The following ADH6 variants were observed in gnomAD, a reference collection of about 807,000 sequenced individuals.
ADH6 encodes the protein alcohol dehydrogenase 6.
A neutral mutation model predicts 36.5 loss-of-function variants in ADH6; 34 were observed. The ratio of observed to expected loss-of-function variants is 0.93; its 90% confidence interval spans 0.71 to 1.24. The LOEUF (loss-of-function observed/expected upper bound fraction) is 1.24. Among genes scored for constraint, ADH6 ranks in the 50% most tolerant of loss-of-function variants. ADH6 has a pLI of 0.00. For synonymous variants in ADH6, 161 were observed against 155.5 expected (o/e 1.04, Z -0.26); for missense variants, 440 against 447.0 (o/e 0.98, Z 0.14).
In ADH6 at chr4:99,204,260, G is replaced by A. The variant is rs745792482; in HGVS notation, c.1104-17C>T. On this transcript the variant is annotated splice_polypyrimidine_tract_variant and intron_variant, in intron 8 of 8. Coordinates refer to ENST00000394899, the MANE Select transcript of ADH6 (RefSeq NM_001102470.2). ...CAGCGGATACTGAAAAAAAGAAGAAGAGAAAAAAGGTTGGAACATTTTTAG... is the reference window on the plus strand; with the variant it reads ...CAGCGGATACTGAAAAAAAGAAGAAAAGAAAAAAGGTTGGAACATTTTTAG... The A allele has an allele frequency of 6.3e-7, 1 of 1,596,848 alleles. No homozygotes were observed. Among genetic ancestry groups the A allele is most frequent in the South Asian group, 1.1e-5 (1 of 89,852 alleles).
At chr4:99,205,613 G>C (rs1731003041) in intron 7 of ADH6, among the ~76,000 whole-genome samples, 1 of 152,044 alleles carries the variant, frequency 6.6e-6, no homozygotes, top group Non-Finnish European at 1.5e-5. Context: ...AGTAAGAATT[G>C]AACAAGCAAA....
rs1289107530 is a variant in ADH6 at position 99,202,781 on chromosome 4, A to G, written c.*1438T>C. ...AGTAAGGTCAATTTGGGGGCAGAAC[A>G]GGAACATGCCTTAGCTGCTGTCAGG... On this transcript the variant is annotated 3_prime_UTR_variant, in exon 9 of 9. Transcript: ENST00000394899. 2 of 398,136 alleles carry G rather than the reference A, an allele frequency of 5.0e-6. No individual in the cohort carries two copies. Among genetic ancestry groups the G allele is most frequent in the African/African-American group, 4.1e-5 (2 of 48,612 alleles). The allele number at this position is 398,136 out of a possible 1,614,324, so 24.7% of individuals were successfully genotyped here.
intron 6 of ADH6, 138 bp from the exon 7 acceptor site, chr4:99,207,719 A>G (rs1364940435): frequency 1.1e-6 from 1 of 941,552 alleles, no homozygotes; most frequent in Non-Finnish European, 1.5e-6. Context: ...TTGAAGTAAC[A>G]TTTATCTTGT....
intron 7 of ADH6, 59 bp from the exon 8 acceptor site, chr4:99,205,122 C>G (rs1271948582): frequency 6.7e-7 from 1 of 1,484,372 alleles, no homozygotes; most frequent in African/African-American, 1.4e-5. Flanking sequence ...AAGGAAAGGT[C>G]ATTCAAAGTA....
intron 3 of ADH6, 34 bp from the exon 4 acceptor site, chr4:99,210,536 T>A: frequency 6.6e-7 from 1 of 1,506,918 alleles, no homozygotes; most frequent in Non-Finnish European, 9.1e-7. Context: ...ATTAACATAT[T>A]ATTTTTTAAA....
intron 4 of ADH6, 42 bp downstream of exon 4, chr4:99,210,373 G>T (rs764303108): frequency 6.3e-7 from 1 of 1,592,760 alleles, no homozygotes; most frequent in Non-Finnish European, 8.6e-7. Flanking sequence ...TCCAATGAAA[G>T]TGAATTAAGT....
In ADH6 at chr4:99,208,999, A is replaced by C. The variant is rs1313036504; in HGVS notation, c.568-71T>G. Reference sequence around the variant, plus strand: ...AACATACACCTTTACTCAGTTGGGAAGGCTAAGTCTATATGCATGTATTTT... The same window carrying C: ...AACATACACCTTTACTCAGTTGGGACGGCTAAGTCTATATGCATGTATTTT... On this transcript the variant is annotated intron_variant, in intron 5 of 8. Coordinates refer to ENST00000394899, the MANE Select transcript of ADH6 (RefSeq NM_001102470.2). 7 of 1,498,442 alleles carry C rather than the reference A, an allele frequency of 4.7e-6. No individual in the cohort carries two copies. In the African/African-American group the frequency reaches 9.8e-5, roughly 21 times the overall value. 92.8% of individuals were successfully genotyped at this position (1,498,442 alleles called of 1,614,324 possible).
At chr4:99,208,445 C>A in intron 6 of ADH6, 1 of 442,424 alleles carries the variant, frequency 2.3e-6, no homozygotes, top group Non-Finnish European at 3.9e-6. Flanking sequence ...TCTTATCTTG[C>A]TTAAAACTTC....
At chr4:99,211,138 C>A (rs1441875978) in intron 3 of ADH6, among the ~76,000 whole-genome samples, 7 of 150,628 alleles carry the variant, frequency 4.6e-5, no homozygotes, top group Admixed American at 4.6e-4. Context: ...GATTTAGTTT[C>A]TTCTATTTTA....
In ADH6 at chr4:99,208,767, G is replaced by A. The variant is rs573088647; in HGVS notation, c.729C>T (p.Asn243=). Residue 243 remains asparagine, a synonymous_variant, in exon 6 of 9, where the codon AAC becomes AAT. Coordinates refer to ENST00000394899, the MANE Select transcript of ADH6 (RefSeq NM_001102470.2). ...AQELGATECL[N]PQDLKKPIQE... ...GAATGGGTTTCTTTAAGTCCTGAGG[G>A]TTGAGGCACTCAGTAGCACCCAATT... 1.9e-6 allele frequency: 3 copies of A among 1,613,786 alleles called. No homozygotes were observed. Among genetic ancestry groups the A allele is most frequent in the South Asian group, 1.1e-5 (1 of 91,072 alleles).
At chr4:99,213,536 G>A (rs1348721748) in intron 3 of ADH6, 70 bp downstream of exon 3, 4 of 1,380,230 alleles carry the variant, frequency 2.9e-6, no homozygotes, top group Non-Finnish European at 3.8e-6. Context: ...CATACTTAAG[G>A]GGTGCTTATC....
rs1324854174 is a variant in ADH6 at position 99,218,850 on chromosome 4, T to TATATATAATAA, written c.18+284_18+285insTTATTATATAT. Among the ~76,000 whole-genome samples the TATATATAATAA allele has an allele frequency of 2.7e-3, 415 of 152,306 alleles. 3 individuals are homozygous for TATATATAATAA. The highest frequency in any genetic ancestry group is 9.6e-3 in the African/African-American group (398 of 41,566). On this transcript the variant is annotated intron_variant, in intron 1 of 8. Coordinates refer to ENST00000394899, the MANE Select transcript of ADH6 (RefSeq NM_001102470.2). Reference sequence around the variant, plus strand: ...TGTATATTGCTTTATAATTGCTCTTTTATAATTATTGTCTCTCTGTGAGAT... The same window carrying TATATATAATAA: ...TGTATATTGCTTTATAATTGCTCTTTATATATAATAATATAATTATTGTCTCTCTGTGAGAT...
At position 99,213,708 on chromosome 4, in the gene ADH6, A is replaced by T; in HGVS notation, c.160T>A (p.Leu54Met). Reference protein sequence around the residue: ...TGLCGTEMKVLGSKHLDLLYP... With the variant: ...TGLCGTEMKVMGSKHLDLLYP... ...AAGAGGTCCAAGTGTTTACTCCCCAACACTTTCATCTCTGTACCACACAGT... is the reference window on the plus strand; with the variant it reads ...AAGAGGTCCAAGTGTTTACTCCCCATCACTTTCATCTCTGTACCACACAGT... Residue 54 changes from leucine to methionine, a missense_variant, in exon 3 of 9, where the codon TTG becomes ATG. Physicochemically the swap from Leu to Met is conservative, Grantham distance 15 (BLOSUM62 2). Coordinates refer to ENST00000394899, the MANE Select transcript of ADH6 (RefSeq NM_001102470.2). 1 of 1,613,782 alleles carries T rather than the reference A, an allele frequency of 6.2e-7. No homozygotes were observed. The highest frequency in any genetic ancestry group is 8.5e-7 in the Non-Finnish European group (1 of 1,179,860).
intron 6 of ADH6, 136 bp from the exon 7 acceptor site, chr4:99,207,717 A>C (rs957575742): frequency 7.4e-6 from 7 of 949,182 alleles, no homozygotes; most frequent in Non-Finnish European, 4.6e-6. Context: ...ATTTGAAGTA[A>C]CATTTATCTT....
chr4:99,211,265 C>A (rs1731216674), intron 3 of ADH6, among the ~76,000 whole-genome samples: 1 of 152,052 alleles, frequency 6.6e-6, no homozygotes, highest in African/African-American at 2.4e-5. Flanking sequence ...GTACTCTGAC[C>A]AGTAACCACG....
chr4:99,213,123 G>A (rs922803871), intron 3 of ADH6, among the ~76,000 whole-genome samples: 26 of 151,822 alleles, frequency 1.7e-4, no homozygotes, highest in Non-Finnish European at 2.5e-4. Context: ...TTTTTAGCCC[G>A]GATAACTATC....
intron 2 of ADH6, among the ~76,000 whole-genome samples, chr4:99,215,616 G>A (rs1289433332): frequency 2.0e-5 from 3 of 152,104 alleles, no homozygotes; most frequent in Non-Finnish European, 4.4e-5. Flanking sequence ...CAGAGTGCTG[G>A]GATTACAGGG....
chr4:99,204,690 A>G (rs1730956385), intron 8 of ADH6: 1 of 1,240,304 alleles, frequency 8.1e-7, no homozygotes, highest in Admixed American at 4.1e-5. Context: ...TACAATGCTA[A>G]TGGCAAAAGT....
chr4:99,212,369 G>A (rs1731255596), intron 3 of ADH6, among the ~76,000 whole-genome samples: 1 of 151,928 alleles, frequency 6.6e-6, no homozygotes, highest in Non-Finnish European at 1.5e-5. Flanking sequence ...ATCGTAAATT[G>A]ACAAATTATA....
Sources: allele counts gnomAD v4.1 joint callset (sites outside exome capture counted in the v4.1 genomes callset), GRCh38; gene constraint gnomAD v4.1.1; transcripts MANE v1.5; gene names NCBI Gene and HGNC (gene_info 2026-07-23, HGNC 2026-07-21).